Variants in USP9X observed in about 807,000 individuals in gnomAD.
USP9X encodes ubiquitin specific peptidase 9 X-linked, also known as ubiquitin carboxyl-terminal hydrolase 9X.
Under a neutral mutation model 190.3 loss-of-function variants are expected in USP9X, and 7 were observed. That is an observed-to-expected ratio of 0.04 (90% CI 0.02 to 0.07). USP9X has a LOEUF of 0.07. USP9X is among the 10% of genes least tolerant of loss of function. The pLI is 1.00. For synonymous variants in USP9X, 645 were observed against 659.5 expected, an observed-to-expected ratio of 0.98 and a Z score of 0.34; for missense variants, 1,010 against 1,916.9, an observed-to-expected ratio of 0.53 and a Z score of 8.83.
chrX:41,102,407 C>G (rs2062040591), intron 1 of USP9X, among the ~76,000 whole-genome samples: 1 of 110,716 alleles, frequency 9.0e-6, no homozygotes, highest in African/African-American at 3.3e-5. Flanking sequence ...CACTTGAGGT[C>G]AGGAGTTCAA....
intron 11 of USP9X, among the ~76,000 whole-genome samples, chrX:41,147,219 G>A (rs2062474098): frequency 9.2e-6 from 1 of 108,927 alleles, no homozygotes; most frequent in Admixed American, 9.8e-5. Flanking sequence ...TCAAGTGGTG[G>A]TGTGCTTTTC....
intron 1 of USP9X, among the ~76,000 whole-genome samples, chrX:41,091,744 CTCAAAGAGG>C (rs1289350608): frequency 1.8e-5 from 2 of 111,758 alleles, no homozygotes; most frequent in African/African-American, 3.3e-5. Flanking sequence ...AAAAAAATGG[CTCAAAGAGG>C]TGAAAGGTGA....
At chrX:41,163,037 T>A (rs2062646679) in intron 15 of USP9X, among the ~76,000 whole-genome samples, 160 bp downstream of exon 15, 1 of 112,492 alleles carries the variant, frequency 8.9e-6, no homozygotes, top group Non-Finnish European at 1.9e-5. Flanking sequence ...TTAAAATGAT[T>A]CGCTGAGTTT....
chrX:41,198,282 A>G (rs907061015), intron 29 of USP9X, among the ~76,000 whole-genome samples: 2 of 112,242 alleles, frequency 1.8e-5, no homozygotes, highest in African/African-American at 3.2e-5. Flanking sequence ...AAAAATTTTG[A>G]TAAGTACTAT....
intron 20 of USP9X, among the ~76,000 whole-genome samples, chrX:41,171,030 T>C (rs1165096056): frequency 8.9e-6 from 1 of 112,020 alleles, no homozygotes; most frequent in African/African-American, 3.3e-5. Context: ...GGGTTTTGCT[T>C]GCTGGAAATA....
chrX:41,214,816 A>G, intron 34 of USP9X, 107 bp downstream of exon 34: 1 of 848,165 alleles, frequency 1.2e-6, no homozygotes, highest in Non-Finnish European at 1.6e-6. Flanking sequence ...ATTTTCTCCT[A>G]CTTTGGTATA....
intron 33 of USP9X, among the ~76,000 whole-genome samples, chrX:41,211,132 C>T (rs910715988): frequency 7.2e-5 from 8 of 111,823 alleles, no homozygotes; most frequent in Non-Finnish European, 1.5e-4. Flanking sequence ...GCTGGGACTA[C>T]AGGCATGTGC....
chrX:41,103,344 A>G (rs929693332), intron 1 of USP9X, among the ~76,000 whole-genome samples: 12 of 112,530 alleles, frequency 1.1e-4, no homozygotes, highest in Admixed American at 9.4e-4. Flanking sequence ...ACATTAGTAC[A>G]TGCATTTTTG....
intron 1 of USP9X, among the ~76,000 whole-genome samples, chrX:41,090,590 CTG>C (rs752156952): frequency 7.1e-5 from 8 of 112,349 alleles, no homozygotes; most frequent in Non-Finnish European, 1.5e-4. Context: ...TCTACCACCT[CTG>C]TGTATCAATC....
At chrX:41,094,055 ATAAT>A (rs2061971961) in intron 1 of USP9X, among the ~76,000 whole-genome samples, 1 of 111,823 alleles carries the variant, frequency 8.9e-6, no homozygotes, top group Admixed American at 9.5e-5. Context: ...CTTTGTAGAT[ATAAT>A]TAATTATCCA....
intron 39 of USP9X, among the ~76,000 whole-genome samples, chrX:41,223,773 A>G (rs983628946): frequency 2.7e-5 from 3 of 111,870 alleles, no homozygotes; most frequent in African/African-American, 9.8e-5. Context: ...CTGGGCATAT[A>G]TAGTACTAAG....
intron 1 of USP9X, among the ~76,000 whole-genome samples, chrX:41,104,603 T>C (rs1033465920): frequency 9.0e-6 from 1 of 111,443 alleles, no homozygotes; most frequent in African/African-American, 3.3e-5. Context: ...ATTATATTTA[T>C]AGGGACCCTC....
chrX:41,106,597 C>T (rs760989988), intron 1 of USP9X, among the ~76,000 whole-genome samples: 2 of 84,760 alleles, frequency 2.4e-5, no homozygotes, highest in African/African-American at 9.5e-5. Context: ...ATGGCGCGAT[C>T]TTGGCTCACT....
At chrX:41,094,453 G>C (rs2061975396) in intron 1 of USP9X, among the ~76,000 whole-genome samples, 1 of 109,619 alleles carries the variant, frequency 9.1e-6, no homozygotes, top group East Asian at 2.9e-4. Flanking sequence ...TGGGATTACA[G>C]GTGTGAGCCA....
At chrX:41,173,593 A>G (rs1360407072) in intron 21 of USP9X, among the ~76,000 whole-genome samples, 1 of 111,782 alleles carries the variant, frequency 8.9e-6, no homozygotes, top group African/African-American at 3.3e-5. Flanking sequence ...TAAGCCATCT[A>G]TACCAGGAAA....
At chrX:41,105,581 A>G (rs979288677) in intron 1 of USP9X, among the ~76,000 whole-genome samples, 3 of 112,119 alleles carry the variant, frequency 2.7e-5, no homozygotes, top group Non-Finnish European at 3.8e-5. Context: ...CATTTTGGCT[A>G]TTGTGACTAA....
At chrX:41,184,819 A>T (rs1469281543) in intron 23 of USP9X, 144 bp downstream of exon 23, 1 of 502,389 alleles carries the variant, frequency 2.0e-6, no homozygotes, top group African/African-American at 2.4e-5. Context: ...TGATGTTTGT[A>T]TTAAAAGTGC....
At chrX:41,113,708 T>C (rs2062125890) in intron 1 of USP9X, among the ~76,000 whole-genome samples, 1 of 111,059 alleles carries the variant, frequency 9.0e-6, no homozygotes, top group African/African-American at 3.3e-5. Flanking sequence ...AATAAATATA[T>C]TGGAAAATAT....
rs772655175 is a variant in USP9X at position 41,141,079 on chromosome X, A to G, written c.884A>G (p.Lys295Arg). Reference protein sequence around the residue: ...FLENLTDEELKKEAKNEAKND... With the variant: ...FLENLTDEELRKEAKNEAKND... ...GAAAACTTAACTGATGAAGAACTGA[A>G]AAAAGAAGCAAAGAATGAAGCCAAA... is the stretch of plus-strand genomic sequence containing the variant. The change falls in exon 8 of 45, where the codon AAA (lysine) becomes AGA (arginine). Residue 295 changes from lysine (K) to arginine (R), a missense_variant. This residue lies in a region of USP9X where 176 missense variants were observed against 247.5 expected (regional missense o/e 0.71). Coordinates refer to ENST00000378308, the MANE Select transcript of USP9X (RefSeq NM_001039591.3). 4 of 1,207,038 alleles carry G rather than the reference A, an allele frequency of 3.3e-6. No individual in the cohort carries two copies. Among genetic ancestry groups the G allele is most frequent in the Non-Finnish European group, 4.5e-6 (4 of 893,050 alleles).
Sources: gnomAD v4.1 joint callset for allele counts (sites outside exome capture counted in the v4.1 genomes callset) on GRCh38, gnomAD v4.1.1 for gene constraint, gnomAD v4.1.1 regional missense constraint, MANE v1.5 for transcripts, NCBI Gene and HGNC (gene_info 2026-07-23, HGNC 2026-07-21) for gene names.